The following SV2C variants were observed in gnomAD, a reference collection of about 807,000 sequenced individuals.
SV2C encodes solute carrier family 22 member B3.
SV2C carries 49 observed loss-of-function variants against 79.7 expected under a neutral mutation model. That is an observed-to-expected ratio of 0.61 (90% CI 0.49 to 0.78). SV2C has a LOEUF of 0.78. SV2C is among the 30% of genes least tolerant of loss of function. SV2C has a pLI of 0.00. For synonymous variants in SV2C, 334 were observed against 333.2 expected (o/e 1.00, Z -0.03); for missense variants, 833 against 912.9 (o/e 0.91, Z 1.13).
intron 4 of SV2C, among the ~76,000 whole-genome samples, chr5:76,246,764 A>G (rs565103096): frequency 4.0e-4 from 61 of 152,284 alleles, no homozygotes; most frequent in African/African-American, 1.4e-3. Context: ...CATAGACACT[A>G]AGACTCAGTG....
chr5:76,100,725 C>T (rs1747714394), intron 1 of SV2C, among the ~76,000 whole-genome samples: 1 of 152,072 alleles, frequency 6.6e-6, no homozygotes, highest in Non-Finnish European at 1.5e-5. Context: ...AAAAGAAGTC[C>T]AGAACTCCAT....
At chr5:76,317,912 A>G (rs975556125) in intron 12 of SV2C, among the ~76,000 whole-genome samples, 2 of 152,162 alleles carry the variant, frequency 1.3e-5, no homozygotes, top group Admixed American at 1.3e-4. Flanking sequence ...AACAATGGCT[A>G]ATAGTCACAT....
chr5:76,016,331 C>T, the SV2C span, among the ~76,000 whole-genome samples: 2 of 150,032 alleles, frequency 1.3e-5, no homozygotes, highest in East Asian at 2.0e-4. Context: ...ACCACTGTGC[C>T]CACTGCGACA....
At chr5:76,317,167 A>G (rs1462617981) in intron 12 of SV2C, among the ~76,000 whole-genome samples, 1 of 152,190 alleles carries the variant, frequency 6.6e-6, no homozygotes, top group Admixed American at 6.5e-5. Context: ...CAGTGTTACA[A>G]AAGTTCTTTT....
At position 76,252,299 on chromosome 5, in the gene SV2C, T is replaced by G. The variant is rs900252918; in HGVS notation, c.914-32863T>G. Among the ~76,000 whole-genome samples, 5 of 152,320 alleles carry G rather than the reference T, an allele frequency of 3.3e-5. No homozygotes were observed. In the South Asian group the frequency reaches 1.0e-3, roughly 32 times the overall value. ...CATGCCCAGCTAATTTTTTGTATTT[T>G]TAGTAGAGATGGGGTTTTGCCATGT... On this transcript the variant is annotated intron_variant, in intron 4 of 12. Transcript: ENST00000502798.
At chr5:76,263,650 G>A (rs1225062929) in intron 4 of SV2C, among the ~76,000 whole-genome samples, 1 of 152,114 alleles carries the variant, frequency 6.6e-6, no homozygotes, top group Non-Finnish European at 1.5e-5. Flanking sequence ...TTCTTGTAAG[G>A]CAGGCTTGGT....
At chr5:75,921,367 G>GT in the SV2C span, 1 of 917,502 alleles carries the variant, frequency 1.1e-6, no homozygotes, top group East Asian at 2.4e-5. Flanking sequence ...CCTTTGGGGG[G>GT]TGCTGGTAGG....
chr5:76,281,172 A>C, intron 4 of SV2C: 1 of 537,400 alleles, frequency 1.9e-6, no homozygotes, highest in South Asian at 1.4e-5. Context: ...TAGGTTTAAT[A>C]GAAATCCTTA....
At chr5:75,994,071 A>C in the SV2C span, among the ~76,000 whole-genome samples, 1 of 152,112 alleles carries the variant, frequency 6.6e-6, no homozygotes, top group Non-Finnish European at 1.5e-5. Context: ...TAAGGCTGAC[A>C]AGGACTGGCT....
At chr5:76,212,469 CT>C (rs1179867118) in intron 4 of SV2C, among the ~76,000 whole-genome samples, 281 of 143,548 alleles carry the variant, frequency 2.0e-3, no homozygotes, top group African/African-American at 1.8e-3. Context: ...CTCTCTTTTT[CT>C]TTTTTTTTTT....
In SV2C at chr5:76,188,692, A is replaced by G. The variant is rs1390812982; in HGVS notation, c.581-6227A>G. Among the ~76,000 whole-genome samples the G allele has an allele frequency of 2.6e-5, 4 of 152,146 alleles. No individual in the cohort carries two copies. In the East Asian group the frequency reaches 7.7e-4, roughly 29 times the overall value. On this transcript the variant is annotated intron_variant, in intron 2 of 12. Coordinates refer to ENST00000502798, the MANE Select transcript of SV2C (RefSeq NM_014979.4). Reference sequence around the variant, plus strand: ...GAACAAGTACTGAGCTTGAGATTTCATGCTATCATTTCTAATCAGACACAG... The same window carrying G: ...GAACAAGTACTGAGCTTGAGATTTCGTGCTATCATTTCTAATCAGACACAG...
At chr5:76,049,334 A>G in the SV2C span, among the ~76,000 whole-genome samples, 12 of 151,088 alleles carry the variant, frequency 7.9e-5, no homozygotes, top group African/African-American at 3.0e-4. Context: ...GAAAAAAAAA[A>G]AAAAGAAAAA....
intron 2 of SV2C, among the ~76,000 whole-genome samples, chr5:76,187,499 G>A (rs1328696301): frequency 6.6e-6 from 1 of 152,146 alleles, no homozygotes; most frequent in Non-Finnish European, 1.5e-5. Flanking sequence ...GATATTTACA[G>A]TTCTTTCTAG....
chr5:76,036,948 T>A, the SV2C span, among the ~76,000 whole-genome samples: 1 of 152,236 alleles, frequency 6.6e-6, no homozygotes, highest in African/African-American at 2.4e-5. Flanking sequence ...TCGTTTCTTT[T>A]TATTCTTTTT....
chr5:76,311,283 G>A (rs113503826), intron 12 of SV2C: 3,731 of 152,428 alleles, frequency 0.024, 148 homozygotes, highest in African/African-American at 0.086. Context: ...GCTGTGGTAC[G>A]TCTGCCACAA....
chr5:76,200,586 C>T (rs1744411810), intron 3 of SV2C, among the ~76,000 whole-genome samples: 1 of 152,156 alleles, frequency 6.6e-6, no homozygotes, highest in African/African-American at 2.4e-5. Flanking sequence ...TCATTAGCAG[C>T]ACTGTCTCTG....
At chr5:76,055,419 T>A in the SV2C span, among the ~76,000 whole-genome samples, 2 of 152,012 alleles carry the variant, frequency 1.3e-5, no homozygotes, top group African/African-American at 2.4e-5. Flanking sequence ...TATAGTTTAG[T>A]GTCAGGTAGC....
At chr5:76,078,507 T>C (rs556695740), upstream of SV2C, among the ~76,000 whole-genome samples, 2 of 152,262 alleles carry the variant, frequency 1.3e-5, no homozygotes, top group South Asian at 4.1e-4. Flanking sequence ...TGTTCACTGA[T>C]ACAAGCAGGC....
chr5:76,185,295 A>G (rs1017519352), intron 2 of SV2C, among the ~76,000 whole-genome samples: 11 of 152,210 alleles, frequency 7.2e-5, no homozygotes, highest in African/African-American at 2.7e-4. Context: ...ACATGGTGCA[A>G]GCTGTTGGCA....
Sources: gnomAD v4.1 joint callset for allele counts (sites outside exome capture counted in the v4.1 genomes callset) on GRCh38, gnomAD v4.1.1 for gene constraint, MANE v1.5 for transcripts, NCBI Gene and HGNC (gene_info 2026-07-23, HGNC 2026-07-21) for gene names.